The following CECR2 variants were observed in gnomAD, a reference collection of about 807,000 sequenced individuals.
CECR2 encodes chromatin remodeling regulator CECR2.
In CECR2, 30 loss-of-function variants were observed where a neutral mutation model predicts 154.5. The observed-to-expected ratio is 0.19, with a 90% CI of 0.15 to 0.26. CECR2 has a LOEUF of 0.26. Ranked by LOEUF, CECR2 falls within the 10% of genes least tolerant of loss-of-function variation. CECR2 has a pLI of 1.00. For missense variants in CECR2, 1,743 were observed against 1,829.3 expected (o/e 0.95, Z 0.86); for synonymous variants, 725 against 683.7 (o/e 1.06, Z -0.94).
chr22:17,407,469 C>T (rs548854382), intron 1 of CECR2, among the ~76,000 whole-genome samples: 16 of 151,976 alleles, frequency 1.1e-4, no homozygotes, highest in Non-Finnish European at 2.1e-4. Flanking sequence ...GTGGCGGGCG[C>T]GTGTAATCCC....
rs1699916224 is a variant in CECR2 at position 17,540,761 on chromosome 22, T to C, written c.1845T>C (p.Cys615=). 2 of 1,597,652 alleles carry C rather than the reference T, an allele frequency of 1.3e-6. No homozygotes were observed. Among genetic ancestry groups the C allele is most frequent in the African/African-American group, 2.7e-5 (2 of 74,402 alleles). The change falls in exon 14 of 19, where the codon TGT becomes TGC. Residue 615 remains cysteine (C), a synonymous_variant. Coordinates refer to ENST00000262608, the MANE Select transcript of CECR2 (RefSeq NM_001290047.2). ...GAGGTTTTTCTCATCCCCTGCATTG[T>C]GGTGGGACACCCAGCCAGGCACCCT... ...NGRGFSHPLH[C]GGTPSQAPFL... is the part of the protein sequence containing the mutation.
chr22:17,432,613 A>C (rs1391620035), intron 1 of CECR2, among the ~76,000 whole-genome samples: 1 of 152,154 alleles, frequency 6.6e-6, no homozygotes, highest in Non-Finnish European at 1.5e-5. Flanking sequence ...CAGTGTTTCC[A>C]CATCCTCGCC....
At chr22:17,472,972 G>A (rs560391704) in intron 1 of CECR2, among the ~76,000 whole-genome samples, 4 of 152,016 alleles carry the variant, frequency 2.6e-5, no homozygotes, top group Non-Finnish European at 4.4e-5. Flanking sequence ...GCTTGTTCCC[G>A]CTGCTGTGAG....
Position 17,421,787 on chromosome 22 carries a change from C to T in CECR2, c.126+51878C>T, listed in dbSNP as rs530275248. On this transcript the variant is annotated intron_variant, in intron 1 of 18. Coordinates refer to ENST00000262608, the MANE Select transcript of CECR2 (RefSeq NM_001290047.2). ...CAGCCTGGGTGACAGAGCGAGACTC[C>T]GTCTTGCACTGGGTGTTCCCTTCCC... Among the ~76,000 whole-genome samples, 655 of 150,996 alleles carry T rather than the reference C, an allele frequency of 4.3e-3. 4 individuals are homozygous for T. The highest frequency in any genetic ancestry group is 5.7e-3 in the Non-Finnish European group (383 of 67,778).
chr22:17,480,101 A>G (rs1307809102), intron 2 of CECR2, among the ~76,000 whole-genome samples: 2 of 151,992 alleles, frequency 1.3e-5, no homozygotes, highest in African/African-American at 4.8e-5. Context: ...GTATCCCTGT[A>G]TCTGTCTTTA....
rs1403252651 is a variant in CECR2, at chr22:17,558,089, G to A, written c.*5249G>A. 2 of 152,162 alleles carry A rather than the reference G, an allele frequency of 1.3e-5. No individual in the cohort carries two copies. The highest frequency in any genetic ancestry group is 2.4e-5 in the African/African-American group (1 of 41,404). 9.4% of individuals were successfully genotyped at this position (152,162 alleles called of 1,614,324 possible). A position where few individuals can be genotyped will look rare whatever the true frequency, so the allele number is the denominator to read the frequency against. ...TTAAAAAGCTTTTTGATCCTTGGAG[G>A]TCTGTAGATTTATTTCCATATGAAC... On this transcript the variant is annotated 3_prime_UTR_variant, in exon 19 of 19. Coordinates refer to ENST00000262608, the MANE Select transcript of CECR2 (RefSeq NM_001290047.2).
chr22:17,431,770 A>G (rs1003789588), intron 1 of CECR2, among the ~76,000 whole-genome samples: 2 of 67,876 alleles, frequency 2.9e-5, no homozygotes, highest in African/African-American at 8.6e-5. Flanking sequence ...TATCCCTCGT[A>G]TTTTTTTTTT....
chr22:17,544,786 G>A (rs1296271405), intron 16 of CECR2, among the ~76,000 whole-genome samples: 1 of 130,426 alleles, frequency 7.7e-6, no homozygotes, highest in African/African-American at 2.8e-5. Context: ...CTCCAGCCTG[G>A]GCCACAAAGT....
At chr22:17,454,066 AC>A (rs1000051609) in intron 1 of CECR2, among the ~76,000 whole-genome samples, 4 of 152,246 alleles carry the variant, frequency 2.6e-5, no homozygotes, top group Admixed American at 2.6e-4. Context: ...GTCTTTTTTT[AC>A]CTTATTTGTA....
intron 1 of CECR2, among the ~76,000 whole-genome samples, chr22:17,415,810 T>C (rs1003878146): frequency 1.3e-5 from 2 of 152,244 alleles, no homozygotes; most frequent in East Asian, 1.9e-4. Context: ...TACTTTCATC[T>C]ACAAATAATT....
rs569276144 is a variant in CECR2, at chr22:17,400,860, C to T, written c.126+30951C>T. Reference sequence around the variant, plus strand: ...CAACCTCATGGGCTCAAGCAGTCCTCTGGCCTCAGCCTCCTTAGTAGCTGG... The same window carrying T: ...CAACCTCATGGGCTCAAGCAGTCCTTTGGCCTCAGCCTCCTTAGTAGCTGG... On this transcript the variant is annotated intron_variant, in intron 1 of 18. Coordinates refer to ENST00000262608, the MANE Select transcript of CECR2 (RefSeq NM_001290047.2). Among the ~76,000 whole-genome samples, 4 of 152,314 alleles carry T rather than the reference C, an allele frequency of 2.6e-5. No individual in the cohort carries two copies. In the East Asian group the frequency reaches 7.7e-4, roughly 29 times the overall value.
intron 1 of CECR2, among the ~76,000 whole-genome samples, chr22:17,452,115 C>T (rs934257093): frequency 1.1e-4 from 16 of 152,296 alleles, no homozygotes; most frequent in African/African-American, 3.1e-4. Flanking sequence ...CTCTTTCGCC[C>T]AGCCTGGAGT....
chr22:17,504,178 C>T (rs906753391), intron 6 of CECR2, among the ~76,000 whole-genome samples: 8 of 151,936 alleles, frequency 5.3e-5, no homozygotes, highest in African/African-American at 1.9e-4. Context: ...TAGAGCCCAG[C>T]CTGGACAACA....
At chr22:17,377,673 C>A (rs1285679475) in intron 1 of CECR2, among the ~76,000 whole-genome samples, 1 of 152,186 alleles carries the variant, frequency 6.6e-6, no homozygotes, top group Non-Finnish European at 1.5e-5. Flanking sequence ...GCTATTATAA[C>A]CTTTTCAGAT....
At chr22:17,467,220 T>C (rs890918924) in intron 1 of CECR2, among the ~76,000 whole-genome samples, 2 of 152,190 alleles carry the variant, frequency 1.3e-5, no homozygotes, top group African/African-American at 4.8e-5. Flanking sequence ...CCAGAACATT[T>C]TCATAAGCAA....
intron 1 of CECR2, among the ~76,000 whole-genome samples, chr22:17,444,238 T>TA (rs1470223839): frequency 6.6e-6 from 1 of 152,194 alleles, no homozygotes; most frequent in Non-Finnish European, 1.5e-5. Flanking sequence ...TGCTGGCTAA[T>TA]ACAGTTCGTG....
intron 1 of CECR2, among the ~76,000 whole-genome samples, chr22:17,418,497 T>C (rs16982400): frequency 0.2 from 30,521 of 152,092 alleles, 4,220 homozygotes; most frequent in African/African-American, 0.39. Flanking sequence ...CTTTTACTTG[T>C]ATCCGTTCAC....
intron 1 of CECR2, among the ~76,000 whole-genome samples, chr22:17,435,742 A>G (rs898924196): frequency 2.0e-5 from 3 of 150,808 alleles, no homozygotes; most frequent in Non-Finnish European, 4.4e-5. Context: ...TAATCCAGTG[A>G]AACGGTGATT....
At chr22:17,376,358 G>C (rs556305151) in intron 1 of CECR2, among the ~76,000 whole-genome samples, 1 of 142,800 alleles carries the variant, frequency 7.0e-6, no homozygotes, top group Admixed American at 6.9e-5. Flanking sequence ...CTTTGCAACG[G>C]AAGTTAAGTT....
Sources: allele counts gnomAD v4.1 joint callset (sites outside exome capture counted in the v4.1 genomes callset), GRCh38; gene constraint gnomAD v4.1.1; transcripts MANE v1.5; gene names NCBI Gene and HGNC (gene_info 2026-07-23, HGNC 2026-07-21).